The following FAF1 variants were observed in gnomAD, a reference collection of about 807,000 sequenced individuals.
FAF1 encodes the protein FAS-associated factor 1.
Under a neutral mutation model 92.5 loss-of-function variants are expected in FAF1, and 25 were observed. The observed-to-expected ratio is 0.27, with a 90% CI of 0.20 to 0.38. FAF1 has a LOEUF of 0.38. FAF1 is among the 10% of genes least tolerant of loss of function. The probability of loss-of-function intolerance (pLI) is 1.00; values close to 1 mark genes in which losing one functional copy is unlikely to be tolerated. For missense variants in FAF1, 636 were observed against 793.3 expected (o/e 0.80, Z 2.38); for synonymous variants, 234 against 273.2 (o/e 0.86, Z 1.42).
intron 2 of FAF1, among the ~76,000 whole-genome samples, chr1:50,852,527 TATG>T (rs1644359188): frequency 6.6e-6 from 1 of 152,140 alleles, no homozygotes; most frequent in Non-Finnish European, 1.5e-5. Flanking sequence ...CAAAGCTCAA[TATG>T]ATATTATTTA....
intron 7 of FAF1, among the ~76,000 whole-genome samples, chr1:50,657,343 T>C (rs148826540): frequency 6.6e-6 from 1 of 151,796 alleles, no homozygotes; most frequent in African/African-American, 2.4e-5. Context: ...AATTATGGCA[T>C]TATTATCCTA....
At chr1:50,903,990 A>G (rs1240639640) in intron 1 of FAF1, among the ~76,000 whole-genome samples, 1 of 152,236 alleles carries the variant, frequency 6.6e-6, no homozygotes, top group East Asian at 1.9e-4. Context: ...TTTAGAATTA[A>G]CATATGATCT....
intron 4 of FAF1, among the ~76,000 whole-genome samples, chr1:50,764,283 C>T (rs1228874562): frequency 6.6e-6 from 1 of 152,110 alleles, no homozygotes; most frequent in Non-Finnish European, 1.5e-5. Flanking sequence ...GCGACAAAGT[C>T]TTTTTCCTCT....
chr1:50,775,695 A>G (rs1188103317), intron 4 of FAF1, among the ~76,000 whole-genome samples: 1 of 152,152 alleles, frequency 6.6e-6, no homozygotes, highest in African/African-American at 2.4e-5. Flanking sequence ...AAACGAACAT[A>G]TGGAAATCAG....
chr1:50,456,887 C>T (rs1004276100), intron 18 of FAF1, among the ~76,000 whole-genome samples: 2 of 152,140 alleles, frequency 1.3e-5, no homozygotes, highest in African/African-American at 4.8e-5. Flanking sequence ...TTTTTCTTTC[C>T]TCCTTGTCTC....
intron 18 of FAF1, among the ~76,000 whole-genome samples, chr1:50,459,269 T>G (rs1270262115): frequency 6.6e-6 from 1 of 152,118 alleles, no homozygotes; most frequent in Non-Finnish European, 1.5e-5. Context: ...CCACCATGCC[T>G]GGCCCAGAAC....
chr1:50,890,422 T>C (rs1644709005), intron 1 of FAF1, among the ~76,000 whole-genome samples: 1 of 152,218 alleles, frequency 6.6e-6, no homozygotes, highest in African/African-American at 2.4e-5. Flanking sequence ...AGCTGGTGAT[T>C]TTGCTCGTTA....
intron 18 of FAF1, chr1:50,462,054 T>C (rs1646437984): frequency 6.8e-6 from 1 of 146,940 alleles, no homozygotes; most frequent in Admixed American, 6.8e-5. Context: ...TACCAATATA[T>C]AACATATCAA....
chr1:50,591,593 C>G (rs927216536), intron 9 of FAF1, among the ~76,000 whole-genome samples: 3 of 150,238 alleles, frequency 2.0e-5, no homozygotes, highest in Admixed American at 1.3e-4. Context: ...GAATAGCTTG[C>G]ACCCGAGAGG....
intron 1 of FAF1, among the ~76,000 whole-genome samples, chr1:50,895,323 C>G (rs1268273589): frequency 6.6e-6 from 1 of 152,044 alleles, no homozygotes; most frequent in African/African-American, 2.4e-5. Context: ...CTGGGGAAAT[C>G]CAAAATGTGA....
In FAF1 at chr1:50,611,605, A is replaced by G. The variant is rs563916023; in HGVS notation, c.745-15389T>C. Reference sequence around the variant, plus strand: ...TTTAAACTCAAGGAAACATGAGATGATGATGGTTAAGCTCTGAATACTTCA... The same window carrying G: ...TTTAAACTCAAGGAAACATGAGATGGTGATGGTTAAGCTCTGAATACTTCA... On this transcript the variant is annotated intron_variant, in intron 8 of 18. Coordinates refer to ENST00000396153, the MANE Select transcript of FAF1 (RefSeq NM_007051.3). Among the ~76,000 whole-genome samples, 5 of 152,334 alleles carry G rather than the reference A, an allele frequency of 3.3e-5. No individual in the cohort carries two copies. The South Asian group carries it at 1.0e-3, about 32-fold the overall frequency.
intron 1 of FAF1, among the ~76,000 whole-genome samples, chr1:50,894,304 TAAAAAAAAAAAAAAA>T (rs34801737): frequency 0.046 from 2,890 of 63,012 alleles, 118 homozygotes; most frequent in African/African-American, 0.15. Flanking sequence ...GTCTCAAAAT[TAAAAAAAAAAAAAAA>T]AAAAAAAAAA....
chr1:50,518,527 G>A (rs1234793196), intron 15 of FAF1, among the ~76,000 whole-genome samples: 2 of 151,214 alleles, frequency 1.3e-5, no homozygotes, highest in African/African-American at 4.9e-5. Flanking sequence ...TGCAAGCTCC[G>A]CCTCCCGGGT....
intron 12 of FAF1, among the ~76,000 whole-genome samples, chr1:50,575,647 CAT>C (rs1341727506): frequency 1.3e-5 from 2 of 152,140 alleles, no homozygotes; most frequent in African/African-American, 4.8e-5. Flanking sequence ...TTATTTCACA[CAT>C]GTGCAGGATG....
intron 13 of FAF1, among the ~76,000 whole-genome samples, chr1:50,551,162 T>C (rs1649293092): frequency 6.6e-6 from 1 of 152,152 alleles, no homozygotes; most frequent in African/African-American, 2.4e-5. Flanking sequence ...GATTATGAGA[T>C]TACGTATAGC....
intron 1 of FAF1, among the ~76,000 whole-genome samples, chr1:50,928,782 C>CAA (rs1157426126): frequency 4.5e-4 from 18 of 39,676 alleles, no homozygotes; most frequent in South Asian, 8.7e-4. Context: ...GACTCCACCT[C>CAA]AAAAAAAAAA....
intron 4 of FAF1, among the ~76,000 whole-genome samples, chr1:50,782,967 A>G (rs1661232501): frequency 6.6e-6 from 1 of 152,072 alleles, no homozygotes; most frequent in Admixed American, 6.5e-5. Context: ...TAGGAAAAAA[A>G]TCAACAATAC....
At chr1:50,669,854 G>A (rs748860930) in intron 7 of FAF1, among the ~76,000 whole-genome samples, 1 of 152,208 alleles carries the variant, frequency 6.6e-6, no homozygotes, top group Non-Finnish European at 1.5e-5. Flanking sequence ...GGGCGCAGTG[G>A]CTCACGCCTG....
intron 1 of FAF1, among the ~76,000 whole-genome samples, chr1:50,872,959 A>T (rs1644540921): frequency 6.6e-6 from 1 of 152,130 alleles, no homozygotes; most frequent in South Asian, 2.1e-4. Flanking sequence ...CCTCTCATGA[A>T]AGAAGGCCAA....
Sources: gnomAD v4.1 joint callset for allele counts (sites outside exome capture counted in the v4.1 genomes callset) on GRCh38, gnomAD v4.1.1 for gene constraint, MANE v1.5 for transcripts, NCBI Gene and HGNC (gene_info 2026-07-23, HGNC 2026-07-21) for gene names.